PAX4: variants seen among roughly 807,000 people sequenced by gnomAD.
PAX4 encodes paired box 4, also known as paired box protein Pax-4.
PAX4 carries 33 observed loss-of-function variants against 40.6 expected under a neutral mutation model. The observed-to-expected ratio is 0.81, with a 90% confidence interval of 0.62 to 1.09. PAX4 has a LOEUF of 1.09. PAX4 is among the 50% of genes least tolerant of loss of function. PAX4 has a pLI of 0.00. For missense variants in PAX4, 459 were observed against 442.5 expected (o/e 1.04, Z -0.33); for synonymous variants, 174 against 170.6 (o/e 1.02, Z -0.16).
chr7:127,617,395 C>A lies in PAX4; in HGVS notation c.-220G>T, dbSNP rs1476060079. 6.6e-6 allele frequency: 1 copy of A among 152,166 alleles called. No individual in the cohort carries two copies. Among genetic ancestry groups the A allele is most frequent in the Non-Finnish European group, 1.5e-5 (1 of 68,044 alleles). 9.4% of individuals were successfully genotyped at this position (152,166 alleles called of 1,614,324 possible). On this transcript the variant is annotated 5_prime_UTR_variant, in exon 2 of 12. Transcript: ENST00000639438. ...GGCACAGATTGGCATTGCCACAAGTCAGGGGCTGTCCAGAGAGTAAAATTC... is the reference window on the plus strand; with the variant it reads ...GGCACAGATTGGCATTGCCACAAGTAAGGGGCTGTCCAGAGAGTAAAATTC...
chr7:127,611,746 A>G, intron 10 of PAX4, 70 bp from the exon 11 acceptor site: 7 of 1,602,258 alleles, frequency 4.4e-6, no homozygotes, highest in South Asian at 1.1e-5. Context: ...CCGGGACCCC[A>G]GAGCTGCCTG....
At chr7:127,613,205 A>G in intron 8 of PAX4, 114 bp from the exon 9 acceptor site, 1 of 940,098 alleles carries the variant, frequency 1.1e-6, no homozygotes, top group Non-Finnish European at 1.7e-6. Context: ...CTTGGGCCTG[A>G]CATCCTCCCT....
chr7:127,615,002 C>A lies in PAX4; in HGVS notation c.238G>T (p.Ala80Ser), dbSNP rs772889981. 1.2e-6 allele frequency: 2 copies of A among 1,614,088 alleles called. No homozygotes were observed. Among genetic ancestry groups the A allele is most frequent in the Non-Finnish European group, 1.7e-6 (2 of 1,180,046 alleles). ...ATTCGAGCCACCACAGGGGGTGTAGCCAGCCGTGGCTTGCTTCCCCCAATG... is the reference window on the plus strand; with the variant it reads ...ATTCGAGCCACCACAGGGGGTGTAGACAGCCGTGGCTTGCTTCCCCCAATG... ...KGIGGSKPRL[A>S]TPPVVARIAQ... Residue 80 changes from alanine (A) to serine (S), a missense_variant, in exon 5 of 12, where the codon GCT (alanine) becomes TCT (serine). Transcript: ENST00000639438.
chr7:127,611,139 G>C lies in PAX4; in HGVS notation c.981C>G (p.His327Gln). 1.2e-6 allele frequency: 2 copies of C among 1,605,714 alleles called. No individual in the cohort carries two copies. The highest frequency in any genetic ancestry group is 1.7e-6 in the Non-Finnish European group (2 of 1,175,838). Residue 327 changes from histidine (H) to glutamine (Q), a missense_variant, in exon 12 of 12, where the codon CAC becomes CAG. Transcript: ENST00000639438. ...AGCCACTAAGACTGGCCAGGTGACA[G>C]TGGGAGGAAGGGCAAGGAAGGCAAA... ...GLLCLPCPSSHCHLASLSGSQ... is the reference protein window; with the variant it reads ...GLLCLPCPSSQCHLASLSGSQ...
chr7:127,616,623 G>T (rs1383026330), intron 2 of PAX4, among the ~76,000 whole-genome samples: 4 of 152,286 alleles, frequency 2.6e-5, no homozygotes, highest in South Asian at 4.1e-4. Context: ...AGATGAACAC[G>T]CCTGAAGAGC....
At chr7:127,611,488 G>T (rs140070434) in intron 11 of PAX4, 47 bp downstream of exon 11, 2 of 1,612,106 alleles carry the variant, frequency 1.2e-6, no homozygotes, top group Admixed American at 1.7e-5. Flanking sequence ...TGAGTCAGTC[G>T]ACCCTCCCTA....
rs1334248939 is a variant in PAX4, at chr7:127,614,887, G to T, written c.353C>A (p.Thr118Asn). 1 of 1,614,074 alleles carries T rather than the reference G, an allele frequency of 6.2e-7. No individual in the cohort carries two copies. The highest frequency in any genetic ancestry group is 1.1e-5 in the South Asian group (1 of 91,056). ...GGAGGGAAGGGTACTTACACTGGGA[G>T]TCTTGTCCTGGGTGCAAAGCCCTTC... ...CAEGLCTQDK[T>N]PSVSSINRVL... The change falls in exon 5 of 12, where the codon ACT becomes AAT. Residue 118 changes from threonine (T) to asparagine (N), a missense_variant. Coordinates refer to ENST00000639438, the MANE Select transcript of PAX4 (RefSeq NM_001366110.1).
intron 7 of PAX4, 106 bp from the exon 8 acceptor site, chr7:127,613,638 T>G: frequency 2.6e-6 from 4 of 1,561,860 alleles, no homozygotes; most frequent in East Asian, 4.5e-5. Context: ...ACTACCTTCC[T>G]CCTCAAGGCA....
chr7:127,613,397 C>T lies in PAX4; in HGVS notation c.645+53G>A, dbSNP rs78594665. ...CCTCATTGGAACCCAAAGCCCTGGC[C>T]GGCCCAGACTCTTCCTCCTTGTGGT... On this transcript the variant is annotated intron_variant, in intron 8 of 11. Transcript: ENST00000639438. 5.1e-3 allele frequency: 7,944 copies of T among 1,562,428 alleles called. 317 individuals carry two copies. The African/African-American group carries it at 0.09, about 18-fold the overall frequency.
In PAX4 at chr7:127,612,012, G is replaced by A; in HGVS notation, c.716-12C>T. On this transcript the variant is annotated splice_polypyrimidine_tract_variant and intron_variant, in intron 9 of 11. Coordinates refer to ENST00000639438, the MANE Select transcript of PAX4 (RefSeq NM_001366110.1). ...CCCCTGGGAAGCACCTATAAAATGA[G>A]AGTGAATCCACTCAGAAGGAGGAAT... The A allele has an allele frequency of 6.2e-7, 1 of 1,613,620 alleles. No homozygotes were observed. Among genetic ancestry groups the A allele is most frequent in the Non-Finnish European group, 8.5e-7 (1 of 1,179,758 alleles).
chr7:127,612,905 G>A (rs1043721837), intron 9 of PAX4, 117 bp downstream of exon 9: 111 of 771,534 alleles, frequency 1.4e-4, no homozygotes, highest in Non-Finnish European at 2.3e-4. Flanking sequence ...TGGATACATG[G>A]GTGGATGGAT....
At chr7:127,611,249 C>T (rs1309641148) in intron 11 of PAX4, 43 bp from the exon 12 acceptor site, 6 of 1,519,976 alleles carry the variant, frequency 3.9e-6, no homozygotes, top group Non-Finnish European at 5.4e-6. Context: ...TTGCTCCCAC[C>T]CCACCTCTCA....
chr7:127,615,860 G>A (rs1794716674), intron 3 of PAX4, 56 bp downstream of exon 3: 1 of 1,535,164 alleles, frequency 6.5e-7, no homozygotes, highest in Non-Finnish European at 8.7e-7. Context: ...AAGCCCTGAG[G>A]TCTTCCCCTG....
chr7:127,615,174 T>G (rs749146376), intron 4 of PAX4, 79 bp from the exon 5 acceptor site: 1 of 1,609,830 alleles, frequency 6.2e-7, no homozygotes, highest in East Asian at 2.2e-5. Context: ...AGGAGGAGGC[T>G]ATAAGACAAA....
rs1267300051 is a variant in PAX4, at chr7:127,610,787, A to G, written c.*277T>C. The G allele has an allele frequency of 1.6e-6, 2 of 1,270,936 alleles. No individual in the cohort carries two copies. Among genetic ancestry groups the G allele is most frequent in the Non-Finnish European group, 2.2e-6 (2 of 906,850 alleles). 78.7% of individuals were successfully genotyped at this position (1,270,936 alleles called of 1,614,324 possible). A position where few individuals can be genotyped will look rare whatever the true frequency, so the allele number is the denominator to read the frequency against. On this transcript the variant is annotated 3_prime_UTR_variant, in exon 12 of 12. Transcript: ENST00000639438. ...TAGGGGTGCTCATAGGGAAAACATGATGGACAACAGAACTACTGCTAATAA... is the reference window on the plus strand; with the variant it reads ...TAGGGGTGCTCATAGGGAAAACATGGTGGACAACAGAACTACTGCTAATAA...
chr7:127,610,542 T>TAACA lies in PAX4; in HGVS notation c.*521_*522insTGTT. On this transcript the variant is annotated 3_prime_UTR_variant, in exon 12 of 12. Transcript: ENST00000639438. The stretch of plus-strand genomic sequence containing the variant: ...TTAGGAATAAAATGCCATGATATAA[T>TAACA]GTCAGTGTGTGTGTGTGTGTGTGTG... The TAACA allele has an allele frequency of 4.7e-6, 1 of 214,786 alleles. No individual in the cohort carries two copies. Among genetic ancestry groups the TAACA allele is most frequent in the East Asian group, 7.6e-5 (1 of 13,212 alleles). 13.3% of individuals were successfully genotyped at this position (214,786 alleles called of 1,614,324 possible). A position where few individuals can be genotyped will look rare whatever the true frequency, so the allele number is the denominator to read the frequency against.
chr7:127,617,611 C>T (rs954843312), intron 1 of PAX4, among the ~76,000 whole-genome samples: 15 of 152,288 alleles, frequency 9.8e-5, no homozygotes, highest in African/African-American at 3.6e-4. Flanking sequence ...ATCAGCCAAA[C>T]CCTAAATCCT....
intron 2 of PAX4, among the ~76,000 whole-genome samples, chr7:127,616,460 T>C (rs1011015095): frequency 1.3e-5 from 2 of 152,166 alleles, no homozygotes; most frequent in Non-Finnish European, 2.9e-5. Context: ...TATTAGGCAG[T>C]CCTCGGTTGG....
At position 127,610,604 on chromosome 7, in the gene PAX4, A is replaced by C; in HGVS notation, c.*460T>G. On this transcript the variant is annotated 3_prime_UTR_variant, in exon 12 of 12. Coordinates refer to ENST00000639438, the MANE Select transcript of PAX4 (RefSeq NM_001366110.1). ...GCATGCACGCATACATAATACACAT[A>C]TAGATGCATACATAGAGTAGGTAAA... 1.9e-6 allele frequency: 1 copy of C among 533,944 alleles called. No homozygotes were observed. 33.1% of individuals were successfully genotyped at this position (533,944 alleles called of 1,614,324 possible). A position where few individuals can be genotyped will look rare whatever the true frequency, so the allele number is the denominator to read the frequency against.
Sources: gnomAD v4.1 joint callset for allele counts (sites outside exome capture counted in the v4.1 genomes callset) on GRCh38, gnomAD v4.1.1 for gene constraint, MANE v1.5 for transcripts, NCBI Gene and HGNC (gene_info 2026-07-23, HGNC 2026-07-21) for gene names.